Variants in MEF2A observed in about 807,000 individuals in gnomAD.
MEF2A encodes the protein myocyte enhancer factor 2A, also known as myocyte-specific enhancer factor 2A.
MEF2A carries 28 observed loss-of-function variants against 55.8 expected under a neutral mutation model. That is an observed-to-expected ratio of 0.50 (90% CI 0.37 to 0.69). MEF2A has a LOEUF of 0.69. Ranked by LOEUF, MEF2A falls within the 30% of genes least tolerant of loss-of-function variation. The pLI is 0.00. For missense variants in MEF2A, 528 were observed against 626.2 expected, an observed-to-expected ratio of 0.84 and a Z score of 1.67; for synonymous variants, 239 against 227.1, an observed-to-expected ratio of 1.05 and a Z score of -0.47.
At chr15:99,645,823 G>A in intron 4 of MEF2A, 59 bp downstream of exon 4, 3 of 1,207,932 alleles carry the variant, frequency 2.5e-6, no homozygotes, top group South Asian at 1.6e-5. Flanking sequence ...TTGTTTAATA[G>A]CATTAACTGT....
intron 8 of MEF2A, among the ~76,000 whole-genome samples, chr15:99,702,980 AT>A (rs745538025): frequency 6.6e-6 from 1 of 152,216 alleles, no homozygotes; most frequent in African/African-American, 2.4e-5. Context: ...TAGTAGGGTG[AT>A]TAAGATACAG....
chr15:99,596,876 C>G (rs868426052), intron 1 of MEF2A, among the ~76,000 whole-genome samples: 1 of 152,132 alleles, frequency 6.6e-6, no homozygotes, highest in African/African-American at 2.4e-5. Context: ...CTGGCTGAAG[C>G]CATGGCAGAA....
At chr15:99,629,135 T>C (rs1465170552) in intron 2 of MEF2A, among the ~76,000 whole-genome samples, 1 of 152,172 alleles carries the variant, frequency 6.6e-6, no homozygotes, top group Non-Finnish European at 1.5e-5. Flanking sequence ...TCTGGCTGCT[T>C]TTAAGATCTC....
chr15:99,627,176 AGGAACACGAAGTGGGTTAG>A (rs1312025093), intron 2 of MEF2A, among the ~76,000 whole-genome samples: 1 of 152,042 alleles, frequency 6.6e-6, no homozygotes, highest in Non-Finnish European at 1.5e-5. Flanking sequence ...GAAGATAGTA[AGGAACACGAAGTGGGTTAG>A]GGCCAGTGAA....
intron 1 of MEF2A, among the ~76,000 whole-genome samples, chr15:99,595,533 T>C (rs1030043895): frequency 6.6e-6 from 1 of 152,176 alleles, no homozygotes; most frequent in Non-Finnish European, 1.5e-5. Context: ...CTGGAATATG[T>C]TGGATGCTTA....
chr15:99,661,817 A>T (rs1164378537), intron 4 of MEF2A, among the ~76,000 whole-genome samples: 1 of 152,268 alleles, frequency 6.6e-6, no homozygotes, highest in South Asian at 2.1e-4. Flanking sequence ...CACATTATGC[A>T]GTAGACTATC....
At chr15:99,574,724 C>T (rs902054756) in intron 1 of MEF2A, among the ~76,000 whole-genome samples, 15 of 152,332 alleles carry the variant, frequency 9.8e-5, no homozygotes, top group African/African-American at 3.6e-4. Context: ...GGTTCACTCA[C>T]TGGCATGCCG....
At chr15:99,690,836 C>T (rs1055676142) in intron 8 of MEF2A, among the ~76,000 whole-genome samples, 2 of 151,958 alleles carry the variant, frequency 1.3e-5, no homozygotes, top group East Asian at 1.9e-4. Flanking sequence ...GCGGTTGATT[C>T]GTGGGTAAAA....
chr15:99,622,159 A>T (rs1326647329), intron 2 of MEF2A, among the ~76,000 whole-genome samples: 1 of 152,208 alleles, frequency 6.6e-6, no homozygotes, highest in Non-Finnish European at 1.5e-5. Flanking sequence ...CATATTGGGA[A>T]TGTTTTTAAA....
In MEF2A at chr15:99,589,372, G is replaced by T. The variant is rs370894047; in HGVS notation, c.-224-9058G>T. Among the ~76,000 whole-genome samples the T allele has an allele frequency of 3.9e-5, 6 of 152,152 alleles. No individual in the cohort carries two copies. In the East Asian group the frequency reaches 1.2e-3, roughly 29 times the overall value. The stretch of plus-strand genomic sequence containing the variant: ...TATACTTTTAATGTTTGCAGCATTT[G>T]TGGTGATGTCCTTTCTTTTATTTCT... On this transcript the variant is annotated intron_variant, in intron 1 of 11. Coordinates refer to ENST00000557942, the MANE Select transcript of MEF2A (RefSeq NM_001319206.4).
intron 7 of MEF2A, among the ~76,000 whole-genome samples, chr15:99,689,023 A>G (rs1293220141): frequency 3.3e-5 from 5 of 152,184 alleles, no homozygotes; most frequent in African/African-American, 9.7e-5. Context: ...ATGACTGACT[A>G]CAGTATTCAT....
intron 11 of MEF2A, among the ~76,000 whole-genome samples, chr15:99,711,806 C>T (rs1373926478): frequency 1.3e-5 from 2 of 152,246 alleles, no homozygotes; most frequent in African/African-American, 2.4e-5. Flanking sequence ...CAGGCCTGTC[C>T]TGAGCATCCT....
In MEF2A at chr15:99,582,578, G is replaced by A. The variant is rs543031673; in HGVS notation, c.-224-15852G>A. 5.9e-5 allele frequency among the ~76,000 whole-genome samples: 9 copies of A among 152,052 alleles called. No homozygotes were observed. The South Asian group carries it at 1.9e-3, about 32-fold the overall frequency. On this transcript the variant is annotated intron_variant, in intron 1 of 11. Coordinates refer to ENST00000557942, the MANE Select transcript of MEF2A (RefSeq NM_001319206.4). ...TTTCTTCTTGTATTCTCTTGATGTA[G>A]CATCTCAGTGAAAATGTGGTATGTA...
At chr15:99,699,401 G>A (rs1293892850) in intron 8 of MEF2A, among the ~76,000 whole-genome samples, 1 of 152,198 alleles carries the variant, frequency 6.6e-6, no homozygotes, top group African/African-American at 2.4e-5. Context: ...AGTGGAGAGA[G>A]GAGTTGACTA....
chr15:99,588,149 C>T (rs1030762116), intron 1 of MEF2A, among the ~76,000 whole-genome samples: 1 of 152,102 alleles, frequency 6.6e-6, no homozygotes, highest in Non-Finnish European at 1.5e-5. Context: ...ACAGGGTCTC[C>T]TCTGTTGCCC....
intron 2 of MEF2A, among the ~76,000 whole-genome samples, chr15:99,610,586 C>T (rs976570404): frequency 6.6e-6 from 1 of 152,132 alleles, no homozygotes; most frequent in African/African-American, 2.4e-5. Context: ...CAGTATGTTA[C>T]TGGCATAAGG....
chr15:99,640,810 A>C (rs112268350), intron 3 of MEF2A, among the ~76,000 whole-genome samples: 2 of 151,456 alleles, frequency 1.3e-5, no homozygotes, highest in African/African-American at 4.9e-5. Flanking sequence ...GGCCCTCCCA[A>C]AGTGCTGGGA....
intron 8 of MEF2A, among the ~76,000 whole-genome samples, chr15:99,690,849 A>G (rs770421957): frequency 3.9e-5 from 6 of 152,204 alleles, no homozygotes; most frequent in Non-Finnish European, 8.8e-5. Flanking sequence ...GGGTAAAAAC[A>G]TACACTTAGA....
intron 3 of MEF2A, among the ~76,000 whole-genome samples, chr15:99,645,108 A>G (rs1160468182): frequency 6.6e-6 from 1 of 152,188 alleles, no homozygotes; most frequent in African/African-American, 2.4e-5. Context: ...CCAGACTGTG[A>G]ATTTCAGTGG....
Sources: gnomAD v4.1 joint callset for allele counts (sites outside exome capture counted in the v4.1 genomes callset) on GRCh38, gnomAD v4.1.1 for gene constraint, MANE v1.5 for transcripts, NCBI Gene and HGNC (gene_info 2026-07-23, HGNC 2026-07-21) for gene names.